The following HECW1 variants were observed in gnomAD, a reference collection of about 807,000 sequenced individuals.
The protein encoded by HECW1 is HECT, C2 and WW domain containing E3 ubiquitin protein ligase 1, also known as E3 ubiquitin-protein ligase HECW1.
In HECW1, 61 loss-of-function variants were observed where a neutral mutation model predicts 182.3. The observed-to-expected ratio is 0.33, with a 90% CI of 0.27 to 0.41. The LOEUF (loss-of-function observed/expected upper bound fraction) is 0.41. Ranked by LOEUF, HECW1 falls within the 10% of genes least tolerant of loss-of-function variation. HECW1 has a pLI of 1.00. For missense variants in HECW1, 1,739 were observed against 2,108.9 expected (o/e 0.82, Z 3.44); for synonymous variants, 859 against 832.6 (o/e 1.03, Z -0.55).
intron 2 of HECW1, among the ~76,000 whole-genome samples, chr7:43,193,262 G>A (rs989687011): frequency 3.9e-5 from 6 of 152,178 alleles, no homozygotes; most frequent in South Asian, 2.1e-4. Flanking sequence ...CCTTTACTGC[G>A]TCCTGTTTCA....
intron 6 of HECW1, among the ~76,000 whole-genome samples, chr7:43,392,989 GGAGA>G (rs2075097108): frequency 6.6e-6 from 1 of 152,108 alleles, no homozygotes; most frequent in South Asian, 2.1e-4. Flanking sequence ...AATGAGAGTA[GGAGA>G]GAAAGACATC....
chr7:43,515,223 G>A (rs980953545), intron 24 of HECW1, among the ~76,000 whole-genome samples: 3 of 152,188 alleles, frequency 2.0e-5, no homozygotes, highest in Admixed American at 6.5e-5. Context: ...GCATCCTGGT[G>A]TCGGGTAGGG....
At chr7:43,301,420 C>T (rs1806767058) in intron 3 of HECW1, among the ~76,000 whole-genome samples, 1 of 152,230 alleles carries the variant, frequency 6.6e-6, no homozygotes, top group African/African-American at 2.4e-5. Flanking sequence ...ATTGCCCTCA[C>T]CATTGTGTCA....
chr7:43,179,988 C>T (rs1490618847), intron 2 of HECW1, among the ~76,000 whole-genome samples: 1 of 152,208 alleles, frequency 6.6e-6, no homozygotes, highest in African/African-American at 2.4e-5. Context: ...AATAATCAGA[C>T]ATCTCCAGCA....
Position 43,430,159 on chromosome 7 carries a change from C to T in HECW1, c.802-7844C>T, listed in dbSNP as rs376351931. 1.2e-4 allele frequency among the ~76,000 whole-genome samples: 19 copies of T among 152,262 alleles called. No individual in the cohort carries two copies. In the East Asian group the frequency reaches 2.7e-3, roughly 22 times the overall value. ...CAGACTGGAGTCATTTTTTCTCATA[C>T]CTCTCCCTAAATGAAAATAGTAAGT... On this transcript the variant is annotated intron_variant, in intron 8 of 29. Coordinates refer to ENST00000395891, the MANE Select transcript of HECW1 (RefSeq NM_015052.5).
At chr7:43,545,508 C>A (rs763718341) in intron 26 of HECW1, among the ~76,000 whole-genome samples, 11 of 152,150 alleles carry the variant, frequency 7.2e-5, no homozygotes, top group Non-Finnish European at 1.3e-4. Flanking sequence ...GGCGCTGAGT[C>A]CTGTACAGTT....
At chr7:43,336,124 TTCTCTCTCTCTCTCTCTCTTTCTCTC>T (rs1812189427) in intron 5 of HECW1, among the ~76,000 whole-genome samples, 2 of 64,304 alleles carry the variant, frequency 3.1e-5, no homozygotes, top group East Asian at 3.6e-4. Flanking sequence ...CTTTCTTTCT[TTCTCTCTCTCTCTCTCTCTTTCTCTC>T]TCTCTCTCTC....
chr7:43,273,399 C>A lies in HECW1; in HGVS notation c.27+29467C>A, dbSNP rs13438792. Reference sequence around the variant, plus strand: ...GCAACATAATGACAGATTAGTGGAACTATATAAATTGAACAGAAATTGACC... The same window carrying A: ...GCAACATAATGACAGATTAGTGGAAATATATAAATTGAACAGAAATTGACC... On this transcript the variant is annotated intron_variant, in intron 3 of 29. Coordinates refer to ENST00000395891, the MANE Select transcript of HECW1 (RefSeq NM_015052.5). Among the ~76,000 whole-genome samples the A allele has an allele frequency of 6.1e-3, 929 of 151,730 alleles. 10 individuals carry two copies. Among genetic ancestry groups the A allele is most frequent in the African/African-American group, 0.021 (885 of 41,336 alleles).
chr7:43,469,425 A>T (rs186401189), intron 16 of HECW1, among the ~76,000 whole-genome samples: 159 of 152,304 alleles, frequency 1.0e-3, no homozygotes, highest in African/African-American at 3.7e-3. Context: ...TAGGTTTGGA[A>T]TGTGGAACTG....
At chr7:43,439,707 C>G (rs911222215) in intron 9 of HECW1, 4 of 152,596 alleles carry the variant, frequency 2.6e-5, no homozygotes. Flanking sequence ...TCTCCTAAGT[C>G]CAAGCTGCCG....
chr7:43,240,951 T>C (rs1798824743), intron 2 of HECW1: 1 of 152,378 alleles, frequency 6.6e-6, no homozygotes, highest in South Asian at 2.1e-4. Context: ...CCTAGAGGAT[T>C]TTCCTGAGGG....
At chr7:43,223,619 CAAA>C (rs201184322) in intron 2 of HECW1, among the ~76,000 whole-genome samples, 1 of 142,562 alleles carries the variant, frequency 7.0e-6, no homozygotes, top group Non-Finnish European at 1.5e-5. Flanking sequence ...AACTCCGTCT[CAAA>C]AAAAAAAAAA....
At chr7:43,464,111 G>C (rs188508182) in intron 14 of HECW1, among the ~76,000 whole-genome samples, 13 of 152,328 alleles carry the variant, frequency 8.5e-5, no homozygotes, top group Admixed American at 5.9e-4. Flanking sequence ...TGTGGAGCAA[G>C]GCAACTTTGT....
intron 5 of HECW1, among the ~76,000 whole-genome samples, chr7:43,348,149 T>A (rs1813931002): frequency 6.6e-6 from 1 of 152,008 alleles, no homozygotes; most frequent in Admixed American, 6.6e-5. Context: ...GTCCTGGACT[T>A]TTTTTTGTTT....
chr7:43,499,568 CTGTT>C (rs952359642), intron 19 of HECW1, among the ~76,000 whole-genome samples: 2 of 151,960 alleles, frequency 1.3e-5, no homozygotes, highest in South Asian at 4.1e-4. Context: ...CAGGATCTGT[CTGTT>C]TATTTCTTAT....
intron 5 of HECW1, among the ~76,000 whole-genome samples, chr7:43,354,122 G>C (rs1408841651): frequency 6.7e-6 from 1 of 150,292 alleles, no homozygotes; most frequent in Non-Finnish European, 1.5e-5. Flanking sequence ...TTTATAGTAG[G>C]GGAAAAAAAA....
chr7:43,156,562 G>C (rs1346515829), intron 2 of HECW1, among the ~76,000 whole-genome samples: 6 of 152,004 alleles, frequency 3.9e-5, no homozygotes, highest in African/African-American at 7.3e-5. Flanking sequence ...CTTGATTCGT[G>C]TCAGAAAAGA....
At chr7:43,308,629 T>G (rs1440090850) in intron 3 of HECW1, among the ~76,000 whole-genome samples, 1 of 146,322 alleles carries the variant, frequency 6.8e-6, no homozygotes, top group Non-Finnish European at 1.5e-5. Flanking sequence ...TTTCTGTAAT[T>G]TTTTTTTTTT....
At chr7:43,434,275 G>A (rs1860755) in intron 8 of HECW1, among the ~76,000 whole-genome samples, 13,315 of 152,316 alleles carry the variant, frequency 0.087, 700 homozygotes, top group South Asian at 0.14. Context: ...TCAATAACCA[G>A]AGAGTCAAAA....
Sources: gnomAD v4.1 joint callset for allele counts (sites outside exome capture counted in the v4.1 genomes callset) on GRCh38, gnomAD v4.1.1 for gene constraint, MANE v1.5 for transcripts, NCBI Gene and HGNC (gene_info 2026-07-23, HGNC 2026-07-21) for gene names.